Variants in ESCO1 observed in about 807,000 individuals in gnomAD.
ESCO1 encodes establishment of sister chromatid cohesion N-acetyltransferase 1.
A neutral mutation model predicts 83.5 loss-of-function variants in ESCO1; 33 were observed. The ratio of observed to expected loss-of-function variants is 0.40; its 90% CI spans 0.30 to 0.53. ESCO1 has a LOEUF of 0.53. ESCO1 is among the 20% of genes least tolerant of loss of function. The pLI is 0.63. For synonymous variants in ESCO1, 332 were observed against 324.3 expected, an observed-to-expected ratio of 1.02 and a Z score of -0.25; for missense variants, 855 against 968.0, an observed-to-expected ratio of 0.88 and a Z score of 1.55.
In ESCO1 at chr18:21,530,347, G is replaced by A. The variant is rs761644001; in HGVS notation, c.2519C>T (p.Thr840Met). The A allele has an allele frequency of 1.7e-5, 27 of 1,596,232 alleles. No individual in the cohort carries two copies. Among genetic ancestry groups the A allele is most frequent in the South Asian group, 4.5e-5 (4 of 88,006 alleles). The change falls in exon 12 of 12, where the codon ACG becomes ATG. Residue 840 changes from threonine to methionine, a missense_variant. Thr to Met is a moderately conservative substitution (Grantham distance 81). Around this residue, in one of 2 missense-constraint regions of ESCO1, gnomAD observed 129 missense variants for 268.5 expected, o/e 0.48. Transcript: ENST00000269214. ...VYNFINGQNST is the reference protein window; with the variant it reads ...VYNFINGQNSM ...TGGTGTAGGCAAGAATTTGTTTTAC[G>A]TGCTATTCTGTCCATTAATAAAATT...
chr18:21,576,045 T>C (rs1160445754), intron 2 of ESCO1, among the ~76,000 whole-genome samples: 1 of 152,116 alleles, frequency 6.6e-6, no homozygotes, highest in Non-Finnish European at 1.5e-5. Flanking sequence ...AAGCATAAAA[T>C]TGGTTAAACC....
At chr18:21,570,036 C>CT (rs1359494969) in intron 4 of ESCO1, among the ~76,000 whole-genome samples, 1 of 152,168 alleles carries the variant, frequency 6.6e-6, no homozygotes, top group African/African-American at 2.4e-5. Flanking sequence ...CCTGATCACT[C>CT]TGTGACAGTG....
At chr18:21,539,443 C>A (rs1311599769) in intron 9 of ESCO1, among the ~76,000 whole-genome samples, 1 of 152,176 alleles carries the variant, frequency 6.6e-6, no homozygotes, top group East Asian at 1.9e-4. Flanking sequence ...ACTGGACACA[C>A]TACAAAGTTT....
chr18:21,529,581 A>C lies in ESCO1; in HGVS notation c.*762T>G, dbSNP rs934790823. Reference sequence around the variant, plus strand: ...GATTTGTTAACAGCCTAGGTGTGCCAAGTTGCCATTTATTTTAAAAGTGAA... The same window carrying C: ...GATTTGTTAACAGCCTAGGTGTGCCCAGTTGCCATTTATTTTAAAAGTGAA... On this transcript the variant is annotated 3_prime_UTR_variant, in exon 12 of 12. Coordinates refer to ENST00000269214, the MANE Select transcript of ESCO1 (RefSeq NM_052911.3). 6.6e-6 allele frequency: 1 copy of C among 152,162 alleles called. No homozygotes were observed. The highest frequency in any genetic ancestry group is 2.4e-5 in the African/African-American group (1 of 41,452). The allele number at this position is 152,162 out of a possible 1,614,324, so 9.4% of individuals were successfully genotyped here.
intron 8 of ESCO1, among the ~76,000 whole-genome samples, chr18:21,542,650 ACAGT>A (rs1328089600): frequency 2.0e-4 from 30 of 152,212 alleles, no homozygotes; most frequent in Admixed American, 9.2e-4. Context: ...ATCTAACAAA[ACAGT>A]CAATCAATAA....
At chr18:21,562,250 T>A (rs921512473) in intron 7 of ESCO1, among the ~76,000 whole-genome samples, 2 of 151,952 alleles carry the variant, frequency 1.3e-5, no homozygotes, top group African/African-American at 4.8e-5. Flanking sequence ...ATCCCAGCAC[T>A]CTGGATCACG....
At chr18:21,541,896 C>T (rs1275671985) in intron 8 of ESCO1, among the ~76,000 whole-genome samples, 1 of 152,016 alleles carries the variant, frequency 6.6e-6, no homozygotes, top group Non-Finnish European at 1.5e-5. Flanking sequence ...TATTAAATGC[C>T]TTTGAAAACA....
intron 10 of ESCO1, among the ~76,000 whole-genome samples, chr18:21,534,059 G>T (rs893895680): frequency 1.3e-5 from 2 of 152,134 alleles, no homozygotes; most frequent in African/African-American, 4.8e-5. Flanking sequence ...GGGACTACAG[G>T]TGCCACCACA....
At chr18:21,557,573 A>G (rs1387339532) in intron 8 of ESCO1, among the ~76,000 whole-genome samples, 1 of 152,204 alleles carries the variant, frequency 6.6e-6, no homozygotes, top group East Asian at 1.9e-4. Context: ...CTTTGTTCCT[A>G]AACTTGAAGG....
chr18:21,542,522 C>T (rs2037919336), intron 8 of ESCO1, among the ~76,000 whole-genome samples: 1 of 152,150 alleles, frequency 6.6e-6, no homozygotes, highest in African/African-American at 2.4e-5. Flanking sequence ...ACCTCCATCA[C>T]TTGGGTAGGT....
chr18:21,553,124 T>C (rs1474255790), intron 8 of ESCO1, among the ~76,000 whole-genome samples: 2 of 152,166 alleles, frequency 1.3e-5, no homozygotes, highest in East Asian at 3.9e-4. Context: ...ACCTCAACTC[T>C]ACAAAAAATT....
chr18:21,598,163 C>A (rs1044653351), intron 1 of ESCO1, among the ~76,000 whole-genome samples: 1 of 151,996 alleles, frequency 6.6e-6, no homozygotes, highest in Non-Finnish European at 1.5e-5. Flanking sequence ...AAAAATCTGC[C>A]AATAAAAGTC....
Position 21,550,851 on chromosome 18 carries a change from G to T in ESCO1, c.1953+10008C>A, listed in dbSNP as rs181249836. Among the ~76,000 whole-genome samples, 99 of 152,270 alleles carry T rather than the reference G, an allele frequency of 6.5e-4. No homozygotes were observed. In the Middle Eastern group the frequency reaches 0.014, roughly 21 times the overall value. On this transcript the variant is annotated intron_variant, in intron 8 of 11. Transcript: ENST00000269214. ...GTGTTGGCCGGGCGTGGTGGCTCAC[G>T]CCTGTAATCCCAGTACTTTCGGAGG...
chr18:21,532,481 T>A lies in ESCO1; in HGVS notation c.2367A>T (p.Glu789Asp). The change falls in exon 11 of 12, where the codon GAA becomes GAT. Residue 789 changes from glutamate (E) to aspartate (D), a missense_variant. Glu to Asp is a conservative substitution (Grantham distance 45). Transcript: ENST00000269214. The part of the protein sequence containing the change: ...RRKKIASRMI[E>D]CLRSNFIYGS... ...GATTACATTCAAGTTACCTTAGGCA[T>A]TCAATCATGCGAGAAGCAATTTTCT... 1 of 1,610,466 alleles carries A rather than the reference T, an allele frequency of 6.2e-7. No homozygotes were observed. The highest frequency in any genetic ancestry group is 8.5e-7 in the Non-Finnish European group (1 of 1,177,076).
chr18:21,578,267 T>C (rs1281854788), intron 2 of ESCO1, among the ~76,000 whole-genome samples: 2 of 152,000 alleles, frequency 1.3e-5, no homozygotes, highest in African/African-American at 4.8e-5. Context: ...GAAACAGATA[T>C]ACAAGAACAG....
intron 1 of ESCO1, among the ~76,000 whole-genome samples, chr18:21,594,279 C>T (rs2038728176): frequency 6.6e-6 from 1 of 152,186 alleles, no homozygotes; most frequent in Admixed American, 6.5e-5. Context: ...TCTCAGCCAC[C>T]TTCTGAGTCC....
intron 7 of ESCO1, among the ~76,000 whole-genome samples, chr18:21,563,154 A>G (rs1410366996): frequency 6.6e-6 from 1 of 152,074 alleles, no homozygotes; most frequent in African/African-American, 2.4e-5. Context: ...TACAGGCGTG[A>G]GCCACTGCAC....
intron 11 of ESCO1, among the ~76,000 whole-genome samples, chr18:21,531,514 T>C (rs2037766413): frequency 6.6e-6 from 1 of 151,732 alleles, no homozygotes; most frequent in Non-Finnish European, 1.5e-5. Flanking sequence ...TATTAAACAC[T>C]GCAGTAAGAC....
intron 7 of ESCO1, among the ~76,000 whole-genome samples, chr18:21,563,150 C>T (rs1034173143): frequency 2.0e-5 from 3 of 151,772 alleles, no homozygotes; most frequent in African/African-American, 7.3e-5. Flanking sequence ...GAATTACAGG[C>T]GTGAGCCACT....
Sources: allele counts gnomAD v4.1 joint callset (sites outside exome capture counted in the v4.1 genomes callset), GRCh38; gene constraint gnomAD v4.1.1; regional missense constraint gnomAD v4.1.1; transcripts MANE v1.5; gene names NCBI Gene and HGNC (gene_info 2026-07-23, HGNC 2026-07-21).